The following CECR2 variants were observed in gnomAD, a reference collection of about 807,000 sequenced individuals.
CECR2 encodes chromatin remodeling regulator CECR2.
A neutral mutation model predicts 154.5 loss-of-function variants in CECR2; 30 were observed. That is an observed-to-expected ratio of 0.19 (90% CI 0.15 to 0.26). The LOEUF is 0.26. CECR2 is among the 10% of genes least tolerant of loss of function. CECR2 has a pLI of 1.00. For missense variants in CECR2, 1,743 were observed against 1,829.3 expected, an observed-to-expected ratio of 0.95 and a Z score of 0.86; for synonymous variants, 725 against 683.7, an observed-to-expected ratio of 1.06 and a Z score of -0.94.
rs1295510880 is a variant in CECR2 at position 17,409,277 on chromosome 22, C to T, written c.126+39368C>T. ...CCTTCTGAGTAACTGGGATTACAGG[C>T]GCCCGCCACCACACCCAGCTAATTT... On this transcript the variant is annotated intron_variant, in intron 1 of 18. Transcript: ENST00000262608. Among the ~76,000 whole-genome samples, 2 of 112,620 alleles carry T rather than the reference C, an allele frequency of 1.8e-5. 1 individual carries two copies. The highest frequency in any genetic ancestry group is 5.9e-5 in the African/African-American group (2 of 33,930). 73.9% of individuals were successfully genotyped at this position (112,620 alleles called of 152,430 possible). A position where few individuals can be genotyped will look rare whatever the true frequency, so the allele number is the denominator to read the frequency against.
intron 1 of CECR2, among the ~76,000 whole-genome samples, chr22:17,427,513 AG>A (rs1384738386): frequency 2.6e-5 from 4 of 152,122 alleles, no homozygotes; most frequent in African/African-American, 9.7e-5. Context: ...TGGCGCGTCC[AG>A]GGTTTGTTCC....
At chr22:17,452,137 A>G (rs543575809) in intron 1 of CECR2, among the ~76,000 whole-genome samples, 1 of 152,182 alleles carries the variant, frequency 6.6e-6, no homozygotes, top group Non-Finnish European at 1.5e-5. Context: ...CAGTGGCACA[A>G]TCTCTGCTCA....
In CECR2 at chr22:17,555,339, C is replaced by T. The variant is rs1046783828; in HGVS notation, c.*2499C>T. On this transcript the variant is annotated 3_prime_UTR_variant, in exon 19 of 19. Coordinates refer to ENST00000262608, the MANE Select transcript of CECR2 (RefSeq NM_001290047.2). The stretch of plus-strand genomic sequence containing the variant: ...AACTACTGTATTATAACACTGTGAA[C>T]AAGAACATCAGCAGCAGCAGAATTG... 6.6e-6 allele frequency: 1 copy of T among 152,262 alleles called. No individual in the cohort carries two copies. The highest frequency in any genetic ancestry group is 2.4e-5 in the African/African-American group (1 of 41,454). The allele number at this position is 152,262 out of a possible 1,614,324, so 9.4% of individuals were successfully genotyped here. A position where few individuals can be genotyped will look rare whatever the true frequency, so the allele number is the denominator to read the frequency against.
intron 1 of CECR2, among the ~76,000 whole-genome samples, chr22:17,409,592 A>G (rs1410171514): frequency 8.9e-6 from 1 of 112,372 alleles, no homozygotes; most frequent in Admixed American, 9.4e-5. Flanking sequence ...GTCAGTGATT[A>G]TTAATATTTT....
Position 17,548,427 on chromosome 22 carries a change from C to G in CECR2, c.3140C>G (p.Ala1047Gly). Residue 1047 changes from alanine (A) to glycine (G), a missense_variant, in exon 17 of 19, where the codon GCA (alanine) becomes GGA (glycine). Ala to Gly is a moderately conservative substitution (Grantham distance 60). Transcript: ENST00000262608. ...TGCGTGAGAGACCTCTCCACGGTGG[C>G]AGACAGGGGCGCTCTATCCGAGAAC... is the stretch of plus-strand genomic sequence containing the variant. Reference protein sequence around the residue: ...QGCVRDLSTVADRGALSENGV... With the variant: ...QGCVRDLSTVGDRGALSENGV... The G allele has an allele frequency of 6.2e-7, 1 of 1,613,996 alleles. No individual in the cohort carries two copies. Among genetic ancestry groups the G allele is most frequent in the Non-Finnish European group, 8.5e-7 (1 of 1,179,882 alleles).
chr22:17,373,396 TA>T (rs5844305), intron 1 of CECR2, among the ~76,000 whole-genome samples: 4,036 of 151,616 alleles, frequency 0.027, 150 homozygotes, highest in African/African-American at 0.081. Flanking sequence ...GTAAAAATAC[TA>T]AAAAAAAATT....
intron 1 of CECR2, among the ~76,000 whole-genome samples, chr22:17,402,703 A>G (rs2053913304): frequency 6.6e-6 from 1 of 151,830 alleles, no homozygotes; most frequent in South Asian, 2.1e-4. Context: ...CAGACTGTTT[A>G]GATTCCAACA....
chr22:17,538,862 G>T, intron 12 of CECR2, 131 bp downstream of exon 12: 2 of 1,319,238 alleles, frequency 1.5e-6, no homozygotes, highest in Admixed American at 2.2e-5. Context: ...TTCATGTGAT[G>T]TTTCTCGTTT....
chr22:17,458,009 G>T (rs2054880256), intron 1 of CECR2, among the ~76,000 whole-genome samples: 1 of 152,216 alleles, frequency 6.6e-6, no homozygotes, highest in Non-Finnish European at 1.5e-5. Flanking sequence ...GAGATAAGGT[G>T]AGAGGAGAGT....
intron 1 of CECR2, among the ~76,000 whole-genome samples, chr22:17,384,525 A>G (rs2063236831): frequency 6.6e-6 from 1 of 152,254 alleles, no homozygotes; most frequent in Non-Finnish European, 1.5e-5. Context: ...CTTGGGTGAC[A>G]AAGTATATTG....
At chr22:17,419,546 A>T in intron 1 of CECR2, 1 of 196,422 alleles carries the variant, frequency 5.1e-6, no homozygotes, top group Admixed American at 5.2e-5. Context: ...AGGAAGAGGA[A>T]GAGGAGGAGG....
At chr22:17,431,506 G>T (rs2146637253) in intron 1 of CECR2, among the ~76,000 whole-genome samples, 1 of 152,284 alleles carries the variant, frequency 6.6e-6, no homozygotes, top group African/African-American at 2.4e-5. Flanking sequence ...CTCTAAAAGT[G>T]ATCCATTCCA....
At chr22:17,446,185 C>T (rs1438755747) in intron 1 of CECR2, among the ~76,000 whole-genome samples, 1 of 152,204 alleles carries the variant, frequency 6.6e-6, no homozygotes, top group Admixed American at 6.5e-5. Flanking sequence ...AAACACTGTT[C>T]TGGAGCAGTA....
chr22:17,497,521 G>A lies in CECR2; in HGVS notation c.340G>A (p.Val114Met). 6.2e-7 allele frequency: 1 copy of A among 1,613,944 alleles called. No individual in the cohort carries two copies. The highest frequency in any genetic ancestry group is 8.5e-7 in the Non-Finnish European group (1 of 1,179,886). The change falls in exon 3 of 19, where the codon GTG becomes ATG. Residue 114 changes from valine (V) to methionine (M), a missense_variant. This residue lies in a region of CECR2 where 98 missense variants were observed against 169.3 expected (regional missense o/e 0.58). Coordinates refer to ENST00000262608, the MANE Select transcript of CECR2 (RefSeq NM_001290047.2). Reference sequence around the variant, plus strand: ...CCAGGACCTGCCTCTTCGCACACGGGTGGAGATCCTGCACCGACTCTGTGA... The same window carrying A: ...CCAGGACCTGCCTCTTCGCACACGGATGGAGATCCTGCACCGACTCTGTGA... ...SFQDLPLRTR[V>M]EILHRLCDYR...
Position 17,542,950 on chromosome 22 carries a change from A to C in CECR2, c.2807A>C (p.Asn936Thr). The C allele has an allele frequency of 6.2e-7, 1 of 1,613,610 alleles. No individual in the cohort carries two copies. Among genetic ancestry groups the C allele is most frequent in the Non-Finnish European group, 8.5e-7 (1 of 1,179,676 alleles). Residue 936 changes from asparagine to threonine, a missense_variant, in exon 16 of 19, where the codon AAC (asparagine) becomes ACC (threonine). This residue lies in a region of CECR2 where 1,250 missense variants were observed against 1,192.1 expected (regional missense o/e 1.05). Coordinates refer to ENST00000262608, the MANE Select transcript of CECR2 (RefSeq NM_001290047.2). ...TVSAPKPALG[N>T]PGRAPENSEA... ...TCAGCCCCCAAGCCTGCCCTGGGCA[A>C]CCCTGGGAGGGCACCGGAGAACAGT...
upstream of CECR2, among the ~76,000 whole-genome samples, chr22:17,368,872 C>G (rs935387342): frequency 6.6e-6 from 1 of 152,134 alleles, no homozygotes; most frequent in Non-Finnish European, 1.5e-5. Flanking sequence ...CATCCTACTT[C>G]GTTCCAGCTC....
At chr22:17,448,880 A>T (rs1035200383) in intron 1 of CECR2, among the ~76,000 whole-genome samples, 1 of 150,590 alleles carries the variant, frequency 6.6e-6, no homozygotes, top group African/African-American at 2.4e-5. Context: ...TTTATTTATT[A>T]TTTATTTATT....
intron 1 of CECR2, among the ~76,000 whole-genome samples, chr22:17,396,395 A>G (rs1435002755): frequency 6.6e-6 from 1 of 152,096 alleles, no homozygotes; most frequent in Non-Finnish European, 1.5e-5. Flanking sequence ...GAAATACAAA[A>G]ATTAGCTGGG....
intron 1 of CECR2, among the ~76,000 whole-genome samples, chr22:17,412,006 A>G (rs16982381): frequency 0.022 from 3,291 of 152,284 alleles, 125 homozygotes; most frequent in African/African-American, 0.076. Flanking sequence ...CAGTGCTAAG[A>G]TGACATCTCT....
Sources: gnomAD v4.1 joint callset for allele counts (sites outside exome capture counted in the v4.1 genomes callset) on GRCh38, gnomAD v4.1.1 for gene constraint, gnomAD v4.1.1 regional missense constraint, MANE v1.5 for transcripts, NCBI Gene and HGNC (gene_info 2026-07-23, HGNC 2026-07-21) for gene names.